The following TBC1D20 variants were observed in gnomAD, a reference collection of about 807,000 sequenced individuals.
The protein encoded by TBC1D20 is chromosome 20 open reading frame 140.
TBC1D20 carries 12 observed loss-of-function variants against 41.6 expected under a neutral mutation model. That is an observed-to-expected ratio of 0.29 (90% CI 0.18 to 0.47). TBC1D20 has a LOEUF of 0.47. Ranked by LOEUF, TBC1D20 falls within the 20% of genes least tolerant of loss-of-function variation. TBC1D20 has a pLI of 1.00. For synonymous variants in TBC1D20, 205 were observed against 204.8 expected (o/e 1.00, Z -0.01); for missense variants, 421 against 517.4 (o/e 0.81, Z 1.81).
intron 1 of TBC1D20, among the ~76,000 whole-genome samples, chr20:453,178 AAAAAAAAAAAC>A (rs2017477898): frequency 1.4e-5 from 2 of 144,856 alleles, no homozygotes; most frequent in Non-Finnish European, 3.0e-5. Context: ...AAAAAAAAAA[AAAAAAAAAAAC>A]AGGCTGGGCG....
At chr20:449,993 C>T (rs1235850107) in intron 1 of TBC1D20, among the ~76,000 whole-genome samples, 1 of 152,200 alleles carries the variant, frequency 6.6e-6, no homozygotes, top group Non-Finnish European at 1.5e-5. Flanking sequence ...CCAAACTTCA[C>T]AGAGCATATA....
rs944632682 is a variant in TBC1D20, at chr20:439,179, T to A, written c.885A>T (p.Ala295=). The change falls in exon 7 of 8, where the codon GCA becomes GCT. Residue 295 remains alanine, a synonymous_variant. Transcript: ENST00000354200. This position sits in a 1 kb window ranked among gnomAD's most constrained non-coding sequence, Gnocchi z 4.6. ...DLPYETLISR[A]GDLFVQFPPS... ...GGGGAAACTGAACAAAAAGGTCTCC[T>A]GCTCTGCTGATCAGTGTCTCATAGG... is the stretch of plus-strand genomic sequence containing the variant. The A allele has an allele frequency of 4.1e-5, 66 of 1,614,096 alleles. No homozygotes were observed. The highest frequency in any genetic ancestry group is 5.4e-5 in the Non-Finnish European group (64 of 1,180,036).
chr20:444,978 A>G (rs1304498354), intron 3 of TBC1D20, 72 bp downstream of exon 3: 9 of 1,374,666 alleles, frequency 6.5e-6, no homozygotes, highest in Non-Finnish European at 8.1e-6. Flanking sequence ...GGTCCAGCAT[A>G]TTAGGTCACA....
rs1167350834 is a variant in TBC1D20, at chr20:437,992, T to C, written c.*594A>G. The C allele has an allele frequency of 6.5e-6, 1 of 152,994 alleles. No homozygotes were observed. The highest frequency in any genetic ancestry group is 1.5e-5 in the Non-Finnish European group (1 of 68,134). The allele number at this position is 152,994 out of a possible 1,614,324, so 9.5% of individuals were successfully genotyped here. On this transcript the variant is annotated 3_prime_UTR_variant, in exon 8 of 8. Transcript: ENST00000354200. Reference sequence around the variant, plus strand: ...TGACTGGAAACGCCCATGTGATTTCTAGGCTGAAAATAGGTAGGATTTAAC... The same window carrying C: ...TGACTGGAAACGCCCATGTGATTTCCAGGCTGAAAATAGGTAGGATTTAAC...
intron 1 of TBC1D20, among the ~76,000 whole-genome samples, chr20:457,713 G>T (rs776163853): frequency 6.6e-6 from 1 of 152,208 alleles, no homozygotes; most frequent in Non-Finnish European, 1.5e-5. Context: ...CAGTAAAAGA[G>T]GCTGGGCTGG....
chr20:449,285 TAAAAAAAAA>T (rs1169245536), intron 1 of TBC1D20, among the ~76,000 whole-genome samples: 10 of 56,940 alleles, frequency 1.8e-4, no homozygotes, highest in African/African-American at 9.2e-4. Context: ...CCCAATACAT[TAAAAAAAAA>T]AAAAAAAAAA....
rs2017367524 is a variant in TBC1D20 at position 447,956 on chromosome 20, A to G, written c.189T>C (p.Asp63=). 7 of 1,614,160 alleles carry G rather than the reference A, an allele frequency of 4.3e-6. No homozygotes were observed. The highest frequency in any genetic ancestry group is 5.9e-6 in the Non-Finnish European group (7 of 1,180,028). ...MAISEGGLLT[D]EIRRKVWPKL... is the part of the protein sequence containing the mutation. ...TGGGCCACACTTTTCGTCTGATCTC[A>G]TCAGTCAGGAGCCCTCCTTCACTGA... is the stretch of plus-strand genomic sequence containing the variant. Residue 63 remains aspartate (D), a synonymous_variant, in exon 2 of 8, where the codon GAT becomes GAC. Coordinates refer to ENST00000354200, the MANE Select transcript of TBC1D20 (RefSeq NM_144628.4).
chr20:452,019 A>T (rs1431070257), intron 1 of TBC1D20, among the ~76,000 whole-genome samples: 2 of 152,172 alleles, frequency 1.3e-5, no homozygotes, highest in Non-Finnish European at 2.9e-5. Flanking sequence ...AAAAGTGTAC[A>T]AGCAAAAGGC....
In TBC1D20 at chr20:447,947, T is replaced by C. The variant is rs1478822458; in HGVS notation, c.198A>G (p.Arg66=). 1.9e-6 allele frequency: 3 copies of C among 1,614,148 alleles called. No homozygotes were observed. Among genetic ancestry groups the C allele is most frequent in the Non-Finnish European group, 2.5e-6 (3 of 1,180,026 alleles). The change falls in exon 2 of 8, where the codon AGA becomes AGG. Residue 66 remains arginine (R), a synonymous_variant. Coordinates refer to ENST00000354200, the MANE Select transcript of TBC1D20 (RefSeq NM_144628.4). ...TGAGGAGCTTGGGCCACACTTTTCGTCTGATCTCATCAGTCAGGAGCCCTC... is the reference window on the plus strand; with the variant it reads ...TGAGGAGCTTGGGCCACACTTTTCGCCTGATCTCATCAGTCAGGAGCCCTC... ...SEGGLLTDEI[R]RKVWPKLLNV... is the part of the protein sequence containing the mutation.
rs1489089392 is a variant in TBC1D20, at chr20:438,307, C to T, written c.*279G>A. ...CAAAAGCAGCTGCAAGCTTCAGAAA[C>T]CCACTTCCTCCAACACCAGGGAGGT... On this transcript the variant is annotated 3_prime_UTR_variant, in exon 8 of 8. Coordinates refer to ENST00000354200, the MANE Select transcript of TBC1D20 (RefSeq NM_144628.4). 3 of 443,528 alleles carry T rather than the reference C, an allele frequency of 6.8e-6. No individual in the cohort carries two copies. Among genetic ancestry groups the T allele is most frequent in the East Asian group, 7.8e-5 (2 of 25,642 alleles). 27.5% of individuals were successfully genotyped at this position (443,528 alleles called of 1,614,324 possible).
intron 1 of TBC1D20, among the ~76,000 whole-genome samples, chr20:455,750 T>C (rs1568465256): frequency 6.6e-6 from 1 of 151,624 alleles, no homozygotes; most frequent in Non-Finnish European, 1.5e-5. Context: ...CTGACCAACA[T>C]GGCGAAACCC....
chr20:447,912 G>A lies in TBC1D20; in HGVS notation c.233C>T (p.Ala78Val), dbSNP rs772433758. 2 of 1,613,150 alleles carry A rather than the reference G, an allele frequency of 1.2e-6. No individual in the cohort carries two copies. Among genetic ancestry groups the A allele is most frequent in the Admixed American group, 3.3e-5 (2 of 60,004 alleles). The change falls in exon 2 of 8, where the codon GCC becomes GTC. Residue 78 changes from alanine (A) to valine (V), a missense_variant. Physicochemically the swap from Ala to Val is moderately conservative, Grantham distance 64. Coordinates refer to ENST00000354200, the MANE Select transcript of TBC1D20 (RefSeq NM_144628.4). Reference protein sequence around the residue: ...KVWPKLLNVNANDPPPISGKN... With the variant: ...KVWPKLLNVNVNDPPPISGKN... ...ACCTGATATAGGAGGTGGGTCATTGGCATTGACATTGAGGAGCTTGGGCCA... is the reference window on the plus strand; with the variant it reads ...ACCTGATATAGGAGGTGGGTCATTGACATTGACATTGAGGAGCTTGGGCCA...
intron 1 of TBC1D20, among the ~76,000 whole-genome samples, chr20:458,673 A>T (rs1257924367): frequency 1.3e-5 from 2 of 152,068 alleles, no homozygotes; most frequent in African/African-American, 4.8e-5. Flanking sequence ...AATTTTTGGC[A>T]CTCTGTGGGA....
Position 440,329 on chromosome 20 carries a change from C to T in TBC1D20, c.687G>A (p.Leu229=), listed in dbSNP as rs970361847. The change falls in exon 6 of 8, where the codon CTG becomes CTA. Residue 229 remains leucine, a synonymous_variant. Coordinates refer to ENST00000354200, the MANE Select transcript of TBC1D20 (RefSeq NM_144628.4). ...ACCGCACGACGTGCCTGAAGTCAGA[C>T]AGGACATGCCCAAACCAGGTGATGA... ...SWLITWFGHV[L]SDFRHVVRLY... is the part of the protein sequence containing the mutation. The T allele has an allele frequency of 6.2e-6, 10 of 1,614,050 alleles. No individual in the cohort carries two copies. In the Admixed American group the frequency reaches 8.3e-5, roughly 13 times the overall value.
rs1169245536 is a variant in TBC1D20 at position 449,285 on chromosome 20, T to TAAA, written c.71-1214_71-1212dup. Among the ~76,000 whole-genome samples, 528 of 56,912 alleles carry TAAA rather than the reference T, an allele frequency of 9.3e-3. 20 individuals carry two copies. Among genetic ancestry groups the TAAA allele is most frequent in the African/African-American group, 0.018 (194 of 10,872 alleles). The allele number at this position is 56,912 out of a possible 152,430, so 37.3% of individuals were successfully genotyped here. A position where few individuals can be genotyped will look rare whatever the true frequency, so the allele number is the denominator to read the frequency against. On this transcript the variant is annotated intron_variant, in intron 1 of 7. Coordinates refer to ENST00000354200, the MANE Select transcript of TBC1D20 (RefSeq NM_144628.4). Reference sequence around the variant, plus strand: ...CTCCTGTCTCAGCCTCCCAATACATTAAAAAAAAAAAAAAAAAAAAGGTAA... The same window carrying TAAA: ...CTCCTGTCTCAGCCTCCCAATACATTAAAAAAAAAAAAAAAAAAAAAAAGGTAA...
chr20:447,579 AC>A (rs2017360272), intron 2 of TBC1D20, among the ~76,000 whole-genome samples: 1 of 151,922 alleles, frequency 6.6e-6, no homozygotes, highest in African/African-American at 2.4e-5. Flanking sequence ...AATTGCTTGA[AC>A]CCAGGGGGCA....
At chr20:438,895 G>C (rs1470753757) in intron 7 of TBC1D20, 54 bp from the exon 8 acceptor site, 2 of 1,597,734 alleles carry the variant, frequency 1.3e-6, no homozygotes, top group Non-Finnish European at 1.7e-6. Flanking sequence ...GAGGAGGAAA[G>C]CAAAACTACA....
intron 1 of TBC1D20, among the ~76,000 whole-genome samples, chr20:460,258 A>C (rs754933208): frequency 1.3e-5 from 2 of 152,084 alleles, no homozygotes; most frequent in Non-Finnish European, 2.9e-5. Context: ...CCCTACACCC[A>C]CCCACAACTA....
At chr20:446,401 C>G (rs1284284610) in intron 2 of TBC1D20, among the ~76,000 whole-genome samples, 2 of 151,850 alleles carry the variant, frequency 1.3e-5, no homozygotes, top group Admixed American at 1.3e-4. Context: ...AGTATACTGG[C>G]GCAATCTCGG....
Sources: allele counts gnomAD v4.1 joint callset (sites outside exome capture counted in the v4.1 genomes callset), GRCh38; gene constraint gnomAD v4.1.1; non-coding constraint Gnocchi (gnomAD v3.1); transcripts MANE v1.5; gene names NCBI Gene and HGNC (gene_info 2026-07-23, HGNC 2026-07-21).